The following HS3ST4 variants were observed in gnomAD, a reference collection of about 807,000 sequenced individuals.
HS3ST4 encodes heparan sulfate glucosamine 3-O-sulfotransferase 4.
Under a neutral mutation model 29.2 loss-of-function variants are expected in HS3ST4, and 17 were observed. The observed-to-expected ratio is 0.58, with a 90% CI of 0.40 to 0.87. The LOEUF is 0.87. Among genes scored for constraint, HS3ST4 ranks in the 40% least tolerant of loss-of-function variants. The pLI, the probability that HS3ST4 is intolerant of heterozygous loss-of-function variation, is 0.00. For synonymous variants in HS3ST4, 314 were observed against 285.7 expected (o/e 1.10, Z -1.00); for missense variants, 627 against 634.5 (o/e 0.99, Z 0.13).
chr16:25,828,224 T>TTCTTTCTTTCTTTTTCTG lies in HS3ST4; in HGVS notation c.734+135086_734+135087insTTCTGTCTTTCTTTCTTT, dbSNP rs1295902378. Reference sequence around the variant, plus strand: ...TTCTTTCTTGCTTGCTTTCTTTCCTTTCTTTCTTTCTTTCTTTCTCTTTCT... The same window carrying TTCTTTCTTTCTTTTTCTG: ...TTCTTTCTTGCTTGCTTTCTTTCCTTTCTTTCTTTCTTTTTCTGTCTTTCTTTCTTTCTTTCTCTTTCT... On this transcript the variant is annotated intron_variant, in intron 1 of 1. Transcript: ENST00000331351. 1.0e-4 allele frequency among the ~76,000 whole-genome samples: 8 copies of TTCTTTCTTTCTTTTTCTG among 79,358 alleles called. 1 individual carries two copies. Among genetic ancestry groups the TTCTTTCTTTCTTTTTCTG allele is most frequent in the African/African-American group, 5.3e-4 (8 of 15,194 alleles). The allele number at this position is 79,358 out of a possible 152,430, so 52.1% of individuals were successfully genotyped here. A position where few individuals can be genotyped will look rare whatever the true frequency, so the allele number is the denominator to read the frequency against.
chr16:26,096,670 C>T (rs1027748624), intron 1 of HS3ST4, among the ~76,000 whole-genome samples: 3 of 152,158 alleles, frequency 2.0e-5, no homozygotes, highest in African/African-American at 7.2e-5. Flanking sequence ...GAAGCATTCC[C>T]TTTGAAAACC....
At chr16:26,065,974 G>A (rs993804177) in intron 1 of HS3ST4, among the ~76,000 whole-genome samples, 9 of 152,236 alleles carry the variant, frequency 5.9e-5, no homozygotes, top group Non-Finnish European at 1.0e-4. Flanking sequence ...TCACGTATAC[G>A]TTAATAAGAC....
intron 1 of HS3ST4, among the ~76,000 whole-genome samples, chr16:25,785,248 T>TTC (rs1966856335): frequency 6.6e-6 from 1 of 152,256 alleles, no homozygotes; most frequent in Non-Finnish European, 1.5e-5. Context: ...TCATGTGTGT[T>TTC]AACACAATAT....
At position 25,693,286 on chromosome 16, in the gene HS3ST4, CTGG is replaced by C. The variant is rs1019052233; in HGVS notation, c.734+136_734+138del. The C allele has an allele frequency of 4.6e-5, 45 of 979,816 alleles. No homozygotes were observed. The African/African-American group carries it at 6.5e-4, about 14-fold the overall frequency. The allele number at this position is 979,816 out of a possible 1,614,324, so 60.7% of individuals were successfully genotyped here. ...AGCCCCCGCGAGGGCTCTGCAAACC[CTGG>C]CGGCGTTGCTCAGGGGGATCGGCTG... On this transcript the variant is annotated intron_variant, in intron 1 of 1. Coordinates refer to ENST00000331351, the MANE Select transcript of HS3ST4 (RefSeq NM_006040.3).
intron 1 of HS3ST4, among the ~76,000 whole-genome samples, chr16:25,743,770 T>C (rs1316842914): frequency 1.3e-5 from 2 of 152,166 alleles, no homozygotes; most frequent in Non-Finnish European, 2.9e-5. Context: ...CCTCCCAAAG[T>C]GCTGGGATTA....
At chr16:25,884,690 C>T (rs151200424) in intron 1 of HS3ST4, among the ~76,000 whole-genome samples, 138 of 152,176 alleles carry the variant, frequency 9.1e-4, no homozygotes, top group African/African-American at 3.1e-3. Context: ...CTCAGCCTCC[C>T]GAGTAGTGGG....
chr16:25,996,393 CCT>C (rs1254166366), intron 1 of HS3ST4, among the ~76,000 whole-genome samples: 3 of 152,036 alleles, frequency 2.0e-5, no homozygotes, highest in Non-Finnish European at 4.4e-5. Flanking sequence ...TAAATTATAA[CCT>C]AGGATTTTAA....
chr16:25,734,772 T>C (rs909833517), intron 1 of HS3ST4, among the ~76,000 whole-genome samples: 3 of 152,048 alleles, frequency 2.0e-5, no homozygotes, highest in African/African-American at 4.8e-5. Context: ...AACAGAAGCC[T>C]TTGAGAGAGA....
At chr16:25,906,498 C>T (rs1968182379) in intron 1 of HS3ST4, among the ~76,000 whole-genome samples, 1 of 152,046 alleles carries the variant, frequency 6.6e-6, no homozygotes, top group East Asian at 1.9e-4. Context: ...GAGCAGTAAC[C>T]ATGAGAAAGT....
intron 1 of HS3ST4, among the ~76,000 whole-genome samples, chr16:25,827,108 G>A (rs1489325348): frequency 6.6e-6 from 1 of 152,156 alleles, no homozygotes; most frequent in East Asian, 1.9e-4. Flanking sequence ...ACCAGAAATT[G>A]AAAACCCAGC....
chr16:25,946,962 G>A (rs2141694971), intron 1 of HS3ST4, among the ~76,000 whole-genome samples: 1 of 152,296 alleles, frequency 6.6e-6, no homozygotes, highest in Middle Eastern at 3.4e-3. Flanking sequence ...GTCCCAATGT[G>A]GTTGGGGAGC....
At chr16:26,114,802 AG>A (rs1899179850) in intron 1 of HS3ST4, among the ~76,000 whole-genome samples, 1 of 152,166 alleles carries the variant, frequency 6.6e-6, no homozygotes, top group African/African-American at 2.4e-5. Context: ...AACAGCATGG[AG>A]GGCAATTTAC....
intron 1 of HS3ST4, among the ~76,000 whole-genome samples, chr16:25,838,641 G>C (rs1028258450): frequency 6.6e-6 from 1 of 152,088 alleles, no homozygotes; most frequent in Non-Finnish European, 1.5e-5. Context: ...TCTGTCTTTA[G>C]AACACCAGTC....
chr16:26,024,821 A>G (rs1969451285), intron 1 of HS3ST4, among the ~76,000 whole-genome samples: 1 of 152,222 alleles, frequency 6.6e-6, no homozygotes, highest in African/African-American at 2.4e-5. Flanking sequence ...CCTTAGCCAA[A>G]TTGACAGAGT....
At chr16:25,785,520 G>A (rs1346872740) in intron 1 of HS3ST4, among the ~76,000 whole-genome samples, 2 of 152,210 alleles carry the variant, frequency 1.3e-5, no homozygotes, top group African/African-American at 4.8e-5. Flanking sequence ...TAGTCATGGA[G>A]CTACAAAGGT....
At chr16:25,866,196 G>A (rs6497898) in intron 1 of HS3ST4, among the ~76,000 whole-genome samples, 19,902 of 152,144 alleles carry the variant, frequency 0.13, 1,431 homozygotes, top group East Asian at 0.26. Context: ...GTGAATTCCA[G>A]GGGTCTACAA....
At chr16:26,013,964 C>T (rs559749097) in intron 1 of HS3ST4, among the ~76,000 whole-genome samples, 23 of 151,754 alleles carry the variant, frequency 1.5e-4, no homozygotes, top group African/African-American at 4.1e-4. Flanking sequence ...GCTGAGATCG[C>T]GCCACCGCAT....
chr16:26,028,547 C>T (rs1159637964), intron 1 of HS3ST4, among the ~76,000 whole-genome samples: 1 of 152,144 alleles, frequency 6.6e-6, no homozygotes, highest in Non-Finnish European at 1.5e-5. Flanking sequence ...GTTGGAGTTA[C>T]AAGCATGAGC....
chr16:25,910,874 G>A (rs1266936632), intron 1 of HS3ST4, among the ~76,000 whole-genome samples: 1 of 152,132 alleles, frequency 6.6e-6, no homozygotes, highest in Non-Finnish European at 1.5e-5. Flanking sequence ...AGCCTAGGAA[G>A]GAGTATAGAT....
Sources: allele counts gnomAD v4.1 joint callset (sites outside exome capture counted in the v4.1 genomes callset), GRCh38; gene constraint gnomAD v4.1.1; transcripts MANE v1.5; gene names NCBI Gene and HGNC (gene_info 2026-07-23, HGNC 2026-07-21).